Variants in GREB1L observed in about 807,000 individuals in gnomAD.
GREB1L encodes the protein GREB1-like protein.
A neutral mutation model predicts 200.8 loss-of-function variants in GREB1L; 17 were observed. The observed-to-expected ratio is 0.08, with a 90% CI of 0.06 to 0.13. The LOEUF is 0.13. GREB1L is among the 10% of genes least tolerant of loss of function. GREB1L has a pLI of 1.00. For synonymous variants in GREB1L, 789 were observed against 893.0 expected (o/e 0.88, Z 2.08); for missense variants, 1,657 against 2,367.7 (o/e 0.70, Z 6.23).
At chr18:21,286,909 G>A (rs768082318) in intron 1 of GREB1L, among the ~76,000 whole-genome samples, 12 of 152,104 alleles carry the variant, frequency 7.9e-5, no homozygotes, top group Non-Finnish European at 1.2e-4. Context: ...AGCCTCCCAA[G>A]GTGTTGGGGT....
chr18:21,253,893 G>A (rs1355871626), intron 1 of GREB1L, among the ~76,000 whole-genome samples: 1 of 142,684 alleles, frequency 7.0e-6, no homozygotes, highest in Non-Finnish European at 1.5e-5. Flanking sequence ...CTGGAGTGCA[G>A]TGGCACAATC....
intron 1 of GREB1L, among the ~76,000 whole-genome samples, chr18:21,333,539 G>A (rs2039138662): frequency 6.6e-6 from 1 of 152,014 alleles, no homozygotes; most frequent in Non-Finnish European, 1.5e-5. Context: ...GCTGGGTGTG[G>A]TGGCAGGTGC....
chr18:21,266,621 C>T (rs1229437360), intron 1 of GREB1L, among the ~76,000 whole-genome samples: 1 of 152,148 alleles, frequency 6.6e-6, no homozygotes, highest in Non-Finnish European at 1.5e-5. Context: ...AAACACATTG[C>T]ATGCTTTAAA....
chr18:21,417,898 A>G (rs978981828), intron 7 of GREB1L, among the ~76,000 whole-genome samples: 11 of 150,932 alleles, frequency 7.3e-5, no homozygotes, highest in African/African-American at 2.7e-4. Context: ...GGAGAATGGC[A>G]TGAACCCGGG....
At chr18:21,453,476 C>A (rs1299311527) in intron 14 of GREB1L, among the ~76,000 whole-genome samples, 1 of 152,214 alleles carries the variant, frequency 6.6e-6, no homozygotes, top group Non-Finnish European at 1.5e-5. Flanking sequence ...CTGATAATAA[C>A]CAGTGCTTTA....
intron 11 of GREB1L, among the ~76,000 whole-genome samples, chr18:21,445,093 C>A (rs535633239): frequency 1.3e-5 from 2 of 152,354 alleles, no homozygotes; most frequent in East Asian, 1.9e-4. Flanking sequence ...GCATTTACAT[C>A]GAAATGTCCT....
chr18:21,401,588 T>G (rs2041319067), intron 6 of GREB1L, among the ~76,000 whole-genome samples: 1 of 152,220 alleles, frequency 6.6e-6, no homozygotes, highest in African/African-American at 2.4e-5. Context: ...AAAAATGGAC[T>G]CTTTCCAGCT....
At chr18:21,321,219 C>T (rs1046134898) in intron 1 of GREB1L, among the ~76,000 whole-genome samples, 3 of 152,010 alleles carry the variant, frequency 2.0e-5, no homozygotes, top group Middle Eastern at 3.4e-3. Flanking sequence ...CGCTTGAACC[C>T]GGGAGGTGGA....
At chr18:21,247,874 C>T (rs568776906) in intron 1 of GREB1L, among the ~76,000 whole-genome samples, 70 of 152,086 alleles carry the variant, frequency 4.6e-4, no homozygotes, top group Non-Finnish European at 8.7e-4. Flanking sequence ...TCTTGGGGTC[C>T]ACTCTGACCT....
chr18:21,477,090 T>A, intron 16 of GREB1L, 74 bp from the exon 17 acceptor site: 2 of 886,006 alleles, frequency 2.3e-6, no homozygotes, highest in Non-Finnish European at 3.3e-6. Context: ...TAAAACAGTA[T>A]GTCCATGTTA....
At chr18:21,464,671 C>A (rs1232729753) in intron 15 of GREB1L, among the ~76,000 whole-genome samples, 5 of 151,926 alleles carry the variant, frequency 3.3e-5, no homozygotes, top group Non-Finnish European at 7.4e-5. Flanking sequence ...GTAGACACTG[C>A]CATAACCAAG....
intron 1 of GREB1L, among the ~76,000 whole-genome samples, chr18:21,251,349 C>A (rs1453976055): frequency 1.3e-5 from 2 of 151,880 alleles, no homozygotes. Flanking sequence ...TAATTTTCAC[C>A]TAATATTCAA....
At chr18:21,418,266 A>G (rs1483990473) in intron 7 of GREB1L, among the ~76,000 whole-genome samples, 1 of 152,152 alleles carries the variant, frequency 6.6e-6, no homozygotes, top group African/African-American at 2.4e-5. Flanking sequence ...ATTTCTCAGT[A>G]TCCACAAGGG....
intron 1 of GREB1L, among the ~76,000 whole-genome samples, chr18:21,337,966 G>A (rs569743075): frequency 2.6e-4 from 40 of 151,902 alleles, no homozygotes; most frequent in African/African-American, 5.1e-4. Flanking sequence ...CAGCCTAGGC[G>A]ACAGAGCAAG....
intron 1 of GREB1L, among the ~76,000 whole-genome samples, chr18:21,251,311 G>A (rs1316590974): frequency 6.6e-6 from 1 of 151,468 alleles, no homozygotes; most frequent in Admixed American, 6.6e-5. Flanking sequence ...ATATATTTTA[G>A]TACTGTATAT....
chr18:21,323,116 C>T (rs1370833082), intron 1 of GREB1L, among the ~76,000 whole-genome samples: 3 of 152,046 alleles, frequency 2.0e-5, no homozygotes, highest in Non-Finnish European at 2.9e-5. Context: ...AAGACCCCAC[C>T]TCTACTAGAA....
intron 1 of GREB1L, among the ~76,000 whole-genome samples, chr18:21,245,819 G>A (rs2037589064): frequency 6.6e-6 from 1 of 152,118 alleles, no homozygotes; most frequent in South Asian, 2.1e-4. Flanking sequence ...CCGGGTTCAC[G>A]CCATTCTCCT....
At chr18:21,275,945 T>A (rs1365436898) in intron 1 of GREB1L, among the ~76,000 whole-genome samples, 1 of 152,192 alleles carries the variant, frequency 6.6e-6, no homozygotes. Context: ...TGACCTCTTA[T>A]ATAAAGAAAA....
At chr18:21,271,464 C>T (rs1040804593) in intron 1 of GREB1L, among the ~76,000 whole-genome samples, 1 of 151,196 alleles carries the variant, frequency 6.6e-6, no homozygotes, top group Non-Finnish European at 1.5e-5. Flanking sequence ...CTAGGCAATA[C>T]AGTGAGACTC....
Sources: allele counts gnomAD v4.1 joint callset (sites outside exome capture counted in the v4.1 genomes callset), GRCh38; gene constraint gnomAD v4.1.1; transcripts MANE v1.5; gene names NCBI Gene and HGNC (gene_info 2026-07-23, HGNC 2026-07-21).